Variants in GPBP1L1 observed in about 807,000 individuals in gnomAD.
The protein encoded by GPBP1L1 is GC-rich promoter binding protein 1 like 1.
GPBP1L1 carries 23 observed loss-of-function variants against 52.5 expected under a neutral mutation model. That is an observed-to-expected ratio of 0.44 (90% CI 0.32 to 0.62). The LOEUF (loss-of-function observed/expected upper bound fraction) is 0.62. Ranked by LOEUF, GPBP1L1 falls within the 20% of genes least tolerant of loss-of-function variation. GPBP1L1 has a pLI of 0.06. For synonymous variants in GPBP1L1, 243 were observed against 203.1 expected (o/e 1.20, Z -1.67); for missense variants, 596 against 579.3 (o/e 1.03, Z -0.30).
intron 4 of GPBP1L1, among the ~76,000 whole-genome samples, chr1:45,656,872 A>G (rs890818036): frequency 5.3e-5 from 8 of 151,628 alleles, no homozygotes; most frequent in African/African-American, 1.9e-4. Context: ...TCTTGTAGAG[A>G]CAAGGTCTCA....
chr1:45,633,337 T>A, intron 10 of GPBP1L1, 152 bp downstream of exon 10: 2 of 703,146 alleles, frequency 2.8e-6, no homozygotes, highest in South Asian at 4.2e-5. Flanking sequence ...TAAACTCACT[T>A]TACTATGTGG....
At chr1:45,632,464 C>A (rs991383809) in intron 10 of GPBP1L1, among the ~76,000 whole-genome samples, 1 of 152,164 alleles carries the variant, frequency 6.6e-6, no homozygotes, top group African/African-American at 2.4e-5. Context: ...GCCTTTAATC[C>A]TAGCACTTTG....
In GPBP1L1 at chr1:45,667,524, C is replaced by T. The variant is rs572958861; in HGVS notation, c.-1097-6299G>A. Among the ~76,000 whole-genome samples the T allele has an allele frequency of 3.0e-4, 45 of 152,254 alleles. 1 individual carries two copies. The South Asian group carries it at 7.1e-3, about 24-fold the overall frequency. On this transcript the variant is annotated intron_variant, in intron 2 of 12. Transcript: ENST00000355105. ...CCGGCCAAGAGTCTTATCTCAATTA[C>T]CTCTACTTCAGGCTCCTTTTACCTA...
chr1:45,665,523 G>C (rs1174917175), intron 2 of GPBP1L1, among the ~76,000 whole-genome samples: 1 of 151,922 alleles, frequency 6.6e-6, no homozygotes, highest in Non-Finnish European at 1.5e-5. Flanking sequence ...GTCTGAGGCA[G>C]GCGGATCACA....
Position 45,660,358 on chromosome 1 carries a change from C to A in GPBP1L1, c.-230G>T. ...CACTCTCTCAGTCCCCTCAACTGCT[C>A]ATCTTAAACTATTTGGTTCCTGACA... On this transcript the variant is annotated 5_prime_UTR_variant, in exon 3 of 13. The change abolishes an upstream ATG in the 5' untranslated region. Coordinates refer to ENST00000355105, the MANE Select transcript of GPBP1L1 (RefSeq NM_021639.5). 1 of 984,548 alleles carries A rather than the reference C, an allele frequency of 1.0e-6. No individual in the cohort carries two copies. Among genetic ancestry groups the A allele is most frequent in the Non-Finnish European group, 1.2e-6 (1 of 829,820 alleles). 61.0% of individuals were successfully genotyped at this position (984,548 alleles called of 1,614,324 possible).
intron 6 of GPBP1L1, among the ~76,000 whole-genome samples, chr1:45,648,614 T>G (rs1644781691): frequency 6.6e-6 from 1 of 152,252 alleles, no homozygotes; most frequent in African/African-American, 2.4e-5. Flanking sequence ...TTTGGTGGTT[T>G]GTCCCTATCC....
chr1:45,668,646 GACTCTGTCTCAAAA>G (rs1194803785), intron 2 of GPBP1L1, among the ~76,000 whole-genome samples: 2 of 152,130 alleles, frequency 1.3e-5, no homozygotes, highest in African/African-American at 2.4e-5. Context: ...AACAGAGCAA[GACTCTGTCTCAAAA>G]ACAAAAACAA....
chr1:45,646,569 T>C (rs2148452764), intron 6 of GPBP1L1, among the ~76,000 whole-genome samples: 1 of 152,206 alleles, frequency 6.6e-6, no homozygotes, highest in Middle Eastern at 3.4e-3. Flanking sequence ...TATTTTTTTT[T>C]TTTTTGAGAC....
At chr1:45,684,271 A>AG (rs1229681973) in intron 2 of GPBP1L1, among the ~76,000 whole-genome samples, 1 of 151,120 alleles carries the variant, frequency 6.6e-6, no homozygotes, top group African/African-American at 2.4e-5. Context: ...AAAAAAAAAA[A>AG]AAAAAAGAAA....
chr1:45,642,317 A>T (rs1230491886), intron 7 of GPBP1L1, 110 bp downstream of exon 7: 1 of 773,822 alleles, frequency 1.3e-6, no homozygotes, highest in African/African-American at 1.7e-5. Context: ...ACCATGGGCA[A>T]ATGCATGAGA....
chr1:45,687,110 A>G (rs1482815948), upstream of GPBP1L1: 1 of 152,160 alleles, frequency 6.6e-6, no homozygotes, highest in African/African-American at 2.4e-5. Flanking sequence ...AGCGGGCCAC[A>G]CGGCCTGGCC....
At chr1:45,680,776 TA>T (rs1645203701) in intron 2 of GPBP1L1, among the ~76,000 whole-genome samples, 2 of 151,826 alleles carry the variant, frequency 1.3e-5, no homozygotes, top group Admixed American at 1.3e-4. Flanking sequence ...TGAGTGAATG[TA>T]TATAAAGTGT....
chr1:45,667,194 T>C (rs538235988), intron 2 of GPBP1L1, among the ~76,000 whole-genome samples: 95 of 152,318 alleles, frequency 6.2e-4, no homozygotes, highest in Admixed American at 1.0e-3. Context: ...ATGGTAAATC[T>C]TGTATTTTCC....
rs996518564 is a variant in GPBP1L1 at position 45,628,006 on chromosome 1, A to G, written c.*250T>C. The stretch of plus-strand genomic sequence containing the variant: ...ATCGCCCCATATATACTGGGTGTGT[A>G]TGTGTGTGTGTGTGTGAGTGTGTTT... On this transcript the variant is annotated 3_prime_UTR_variant, in exon 13 of 13. Transcript: ENST00000355105. 29 of 407,002 alleles carry G rather than the reference A, an allele frequency of 7.1e-5. No individual in the cohort carries two copies. Among genetic ancestry groups the G allele is most frequent in the East Asian group, 3.3e-4 (7 of 21,198 alleles). 25.2% of individuals were successfully genotyped at this position (407,002 alleles called of 1,614,324 possible).
Position 45,630,472 on chromosome 1 carries a change from C to T in GPBP1L1, c.1169+10G>A. ...GACACTGCATGCCCTGTGATGTCCTCCTCACTTACCTGTGCTCTGCTTCTA... is the reference window on the plus strand; with the variant it reads ...GACACTGCATGCCCTGTGATGTCCTTCTCACTTACCTGTGCTCTGCTTCTA... On this transcript the variant is annotated intron_variant, in intron 11 of 12. Coordinates refer to ENST00000355105, the MANE Select transcript of GPBP1L1 (RefSeq NM_021639.5). 6.2e-7 allele frequency: 1 copy of T among 1,613,588 alleles called. No individual in the cohort carries two copies. Among genetic ancestry groups the T allele is most frequent in the Non-Finnish European group, 8.5e-7 (1 of 1,179,674 alleles).
chr1:45,653,937 G>A (rs886636190), intron 6 of GPBP1L1, among the ~76,000 whole-genome samples: 1 of 151,862 alleles, frequency 6.6e-6, no homozygotes, highest in African/African-American at 2.4e-5. Context: ...GCCCTCAGGT[G>A]ATCCACCCGC....
At chr1:45,643,813 G>C (rs1644705737) in intron 6 of GPBP1L1, among the ~76,000 whole-genome samples, 1 of 151,708 alleles carries the variant, frequency 6.6e-6, no homozygotes, top group South Asian at 2.1e-4. Context: ...GGGATTACAG[G>C]TGCGCACCAC....
intron 10 of GPBP1L1, among the ~76,000 whole-genome samples, chr1:45,632,152 G>C (rs1644538876): frequency 6.6e-6 from 1 of 152,200 alleles, no homozygotes; most frequent in African/African-American, 2.4e-5. Context: ...CAGAGTTATG[G>C]TCTGAGCTCT....
intron 7 of GPBP1L1, among the ~76,000 whole-genome samples, chr1:45,641,160 C>A (rs554392755): frequency 6.6e-6 from 1 of 152,250 alleles, no homozygotes; most frequent in South Asian, 2.1e-4. Context: ...ACACCATTAG[C>A]AAAGAGGAGA....
Sources: gnomAD v4.1 joint callset for allele counts (sites outside exome capture counted in the v4.1 genomes callset) on GRCh38, gnomAD v4.1.1 for gene constraint, MANE v1.5 for transcripts, NCBI Gene and HGNC (gene_info 2026-07-23, HGNC 2026-07-21) for gene names.